The following MPRIP variants were observed in gnomAD, a reference collection of about 807,000 sequenced individuals.
MPRIP encodes the protein myosin phosphatase Rho-interacting protein.
MPRIP carries 59 observed loss-of-function variants against 234.9 expected under a neutral mutation model. That is an observed-to-expected ratio of 0.25 (90% CI 0.20 to 0.31). The LOEUF is 0.31. Ranked by LOEUF, MPRIP falls within the 10% of genes least tolerant of loss-of-function variation. The pLI is 1.00. For synonymous variants in MPRIP, 1,144 were observed against 1,263.9 expected (o/e 0.91, Z 2.01); for missense variants, 2,436 against 3,071.0 (o/e 0.79, Z 4.89).
intron 3 of MPRIP, among the ~76,000 whole-genome samples, chr17:17,105,239 G>A (rs555455710): frequency 2.8e-4 from 43 of 152,254 alleles, no homozygotes; most frequent in African/African-American, 9.9e-4. Context: ...GGGGCAGGTC[G>A]AGGGCCCAAC....
At chr17:17,076,639 C>T (rs1278530248) in intron 2 of MPRIP, among the ~76,000 whole-genome samples, 1 of 152,190 alleles carries the variant, frequency 6.6e-6, no homozygotes, top group East Asian at 1.9e-4. Context: ...GTGGCCTCCT[C>T]TACACACCCA....
At chr17:17,099,512 G>A (rs1448075980) in intron 3 of MPRIP, among the ~76,000 whole-genome samples, 1 of 152,210 alleles carries the variant, frequency 6.6e-6, no homozygotes, top group Admixed American at 6.5e-5. Context: ...AGTCAGTTGA[G>A]GCCAGGAGTT....
intron 18 of MPRIP, among the ~76,000 whole-genome samples, chr17:17,173,523 C>G (rs568041379): frequency 5.3e-5 from 8 of 152,350 alleles, no homozygotes. Context: ...AGAACAGCCT[C>G]AGGAAGCTTG....
intron 3 of MPRIP, among the ~76,000 whole-genome samples, chr17:17,094,941 TCTTTA>T (rs1435341815): frequency 2.6e-5 from 4 of 152,030 alleles, no homozygotes; most frequent in African/African-American, 4.8e-5. Context: ...TTTTTCCTGG[TCTTTA>T]CTTCTGAAAC....
chr17:17,116,956 C>G (rs758665477), intron 3 of MPRIP, among the ~76,000 whole-genome samples: 1 of 152,184 alleles, frequency 6.6e-6, no homozygotes, highest in African/African-American at 2.4e-5. Context: ...CCATTGTTTT[C>G]AAGAGCCCTT....
intron 3 of MPRIP, among the ~76,000 whole-genome samples, chr17:17,119,517 C>T (rs1486276102): frequency 1.3e-5 from 2 of 152,254 alleles, no homozygotes; most frequent in Admixed American, 6.5e-5. Context: ...CAGAGTGCCA[C>T]GTCCCATAAT....
At chr17:17,065,181 T>A (rs912796513) in intron 1 of MPRIP, among the ~76,000 whole-genome samples, 1 of 152,212 alleles carries the variant, frequency 6.6e-6, no homozygotes, top group African/African-American at 2.4e-5. Context: ...AATACTAGTA[T>A]ATAGTCTAGA....
At chr17:17,161,922 C>T (rs112349047) in intron 15 of MPRIP, among the ~76,000 whole-genome samples, 21 of 152,344 alleles carry the variant, frequency 1.4e-4, no homozygotes, top group African/African-American at 5.1e-4. Context: ...TACCACAGAG[C>T]CCTGATATAG....
intron 1 of MPRIP, among the ~76,000 whole-genome samples, chr17:17,060,342 C>T (rs761593995): frequency 1.3e-5 from 2 of 152,242 alleles, no homozygotes; most frequent in Non-Finnish European, 2.9e-5. Context: ...GACCCCTACC[C>T]CTGGGAGCAC....
intron 3 of MPRIP, among the ~76,000 whole-genome samples, chr17:17,090,923 C>T (rs1332363447): frequency 6.6e-6 from 1 of 151,308 alleles, no homozygotes; most frequent in Admixed American, 6.6e-5. Flanking sequence ...AAGATCTCGG[C>T]TATGCCAGGA....
intron 3 of MPRIP, among the ~76,000 whole-genome samples, chr17:17,082,564 G>A (rs1464391991): frequency 1.3e-5 from 2 of 152,044 alleles, no homozygotes; most frequent in Non-Finnish European, 2.9e-5. Context: ...CAAAGTGCTG[G>A]GATTACAGGC....
chr17:17,181,109 A>G (rs146974194), intron 23 of MPRIP, among the ~76,000 whole-genome samples: 13 of 152,364 alleles, frequency 8.5e-5, no homozygotes, highest in Non-Finnish European at 1.9e-4. Context: ...CATTCTAGGA[A>G]TGGATAAACC....
intron 1 of MPRIP, among the ~76,000 whole-genome samples, chr17:17,073,391 G>A (rs1419659761): frequency 6.6e-6 from 1 of 152,206 alleles, no homozygotes; most frequent in Non-Finnish European, 1.5e-5. Flanking sequence ...CGATGCCTGG[G>A]TTGAGACCAG....
rs1216640845 is a variant in MPRIP, at chr17:17,185,374, G to A, written c.*480G>A. On this transcript the variant is annotated 3_prime_UTR_variant, in exon 24 of 24. Transcript: ENST00000651222. ...CACAGCACTGACTCCTCACCCGCTA[G>A]TCTGGCTGTTAAGAGGAGAAAGTGC... The A allele has an allele frequency of 2.5e-6, 1 of 396,478 alleles. No homozygotes were observed. Among genetic ancestry groups the A allele is most frequent in the Admixed American group, 2.8e-5 (1 of 36,020 alleles). 24.6% of individuals were successfully genotyped at this position (396,478 alleles called of 1,614,324 possible).
At chr17:17,113,376 A>G (rs962397893) in intron 3 of MPRIP, among the ~76,000 whole-genome samples, 3 of 152,262 alleles carry the variant, frequency 2.0e-5, no homozygotes, top group Admixed American at 1.3e-4. Flanking sequence ...GGTGCTTCAC[A>G]TAAGTGGAAT....
chr17:17,059,151 T>TAG (rs1201674119), intron 1 of MPRIP, among the ~76,000 whole-genome samples: 5 of 152,222 alleles, frequency 3.3e-5, no homozygotes, highest in Non-Finnish European at 7.3e-5. Flanking sequence ...ATAACTTTTC[T>TAG]AAGACAAAAA....
At position 17,187,821 on chromosome 17, in the gene MPRIP, G is replaced by T. The variant is rs532655408; in HGVS notation, c.*2927G>T. 1.4e-4 allele frequency: 21 copies of T among 152,392 alleles called. No individual in the cohort carries two copies. The highest frequency in any genetic ancestry group is 4.8e-4 in the African/African-American group (20 of 41,588). 9.4% of individuals were successfully genotyped at this position (152,392 alleles called of 1,614,324 possible). A position where few individuals can be genotyped will look rare whatever the true frequency, so the allele number is the denominator to read the frequency against. On this transcript the variant is annotated 3_prime_UTR_variant, in exon 24 of 24. Coordinates refer to ENST00000651222, the MANE Select transcript of MPRIP (RefSeq NM_001364716.4). ...AGTCTTAGGGACAGCTGCAGGCGGG[G>T]TCTCAGGCTGCTCCTTGGCACCAGC...
At position 17,166,705 on chromosome 17, in the gene MPRIP, A is replaced by G. The variant is rs1425389251; in HGVS notation, c.5114A>G (p.Lys1705Arg). ...ACCCAGACGGCCCTGCGGCAGCACAAATGCCTGCTGAGGGAAATCCTGGGA... is the reference window on the plus strand; with the variant it reads ...ACCCAGACGGCCCTGCGGCAGCACAGATGCCTGCTGAGGGAAATCCTGGGA... Reference protein sequence around the residue: ...RGTQTALRQHKCLLREILGAY... With the variant: ...RGTQTALRQHRCLLREILGAY... The change falls in exon 16 of 24, where the codon AAA (lysine) becomes AGA (arginine). Residue 1705 changes from lysine to arginine, a missense_variant. Coordinates refer to ENST00000651222, the MANE Select transcript of MPRIP (RefSeq NM_001364716.4). This position sits in a 1 kb window ranked among gnomAD's most constrained non-coding sequence, Gnocchi z 4.4. 3.1e-6 allele frequency: 4 copies of G among 1,304,076 alleles called. No individual in the cohort carries two copies. The highest frequency in any genetic ancestry group is 5.5e-5 in the East Asian group (1 of 18,022). 80.8% of individuals were successfully genotyped at this position (1,304,076 alleles called of 1,614,324 possible). A position where few individuals can be genotyped will look rare whatever the true frequency, so the allele number is the denominator to read the frequency against.
intron 23 of MPRIP, chr17:17,182,626 T>G (rs1597531790): frequency 1.3e-5 from 2 of 152,234 alleles, no homozygotes; most frequent in African/African-American, 4.8e-5. Context: ...CTTCCCACCC[T>G]TGGAATTGTA....
Sources: gnomAD v4.1 joint callset for allele counts (sites outside exome capture counted in the v4.1 genomes callset) on GRCh38, gnomAD v4.1.1 for gene constraint, Gnocchi (gnomAD v3.1) non-coding constraint, MANE v1.5 for transcripts, NCBI Gene and HGNC (gene_info 2026-07-23, HGNC 2026-07-21) for gene names.